Variants in STON1 observed in about 807,000 individuals in gnomAD.
STON1 encodes the protein stonin 1.
A neutral mutation model predicts 60.9 loss-of-function variants in STON1; 79 were observed. The observed-to-expected ratio is 1.30, with a 90% CI of 1.08 to 1.56. The LOEUF is 1.56. STON1 is among the 40% of genes most tolerant of loss of function. STON1 has a pLI of 0.00. For synonymous variants in STON1, 363 were observed against 306.9 expected (o/e 1.18, Z -1.91); for missense variants, 1,166 against 858.9 (o/e 1.36, Z -4.47).
chr2:48,588,915 A>G (rs574024589), intron 2 of STON1, among the ~76,000 whole-genome samples: 1 of 152,252 alleles, frequency 6.6e-6, no homozygotes, highest in East Asian at 1.9e-4. Context: ...GACTTCATTC[A>G]TACTAAGGTG....
intron 1 of STON1, among the ~76,000 whole-genome samples, chr2:48,554,545 C>T (rs1357569280): frequency 6.6e-6 from 1 of 152,030 alleles, no homozygotes; most frequent in Non-Finnish European, 1.5e-5. Flanking sequence ...AAATTGGACT[C>T]AGAGTTGGGA....
chr2:48,582,386 A>G lies in STON1; in HGVS notation c.1753A>G (p.Met585Val), dbSNP rs1673943941. Reference protein sequence around the residue: ...PSQWIKALWTMNLQRQKSLKA... With the variant: ...PSQWIKALWTVNLQRQKSLKA... The stretch of plus-strand genomic sequence containing the variant: ...GCAGTGGATCAAGGCCCTTTGGACC[A>G]TGAACCTCCAGAGGCAGAAGTCTCT... Residue 585 changes from methionine (M) to valine (V), a missense_variant, in exon 2 of 4, where the codon ATG becomes GTG. Physicochemically the swap from Met to Val is conservative, Grantham distance 21 (BLOSUM62 1). Coordinates refer to ENST00000404752, the MANE Select transcript of STON1 (RefSeq NM_006873.4). 1.2e-6 allele frequency: 2 copies of G among 1,614,184 alleles called. No individual in the cohort carries two copies. Among genetic ancestry groups the G allele is most frequent in the East Asian group, 2.2e-5 (1 of 44,876 alleles).
rs367947866 is a variant in STON1 at position 48,580,878 on chromosome 2, C to G, written c.245C>G (p.Ser82Cys). The G allele has an allele frequency of 4.4e-6, 7 of 1,585,472 alleles. No individual in the cohort carries two copies. The highest frequency in any genetic ancestry group is 5.1e-6 in the Non-Finnish European group (6 of 1,168,410). Residue 82 changes from serine to cysteine, a missense_variant, in exon 2 of 4, where the codon TCT (serine) becomes TGT (cysteine). Physicochemically the swap from Ser to Cys is moderately radical, Grantham distance 112. Coordinates refer to ENST00000404752, the MANE Select transcript of STON1 (RefSeq NM_006873.4). ...GGACCTCCAAGTAACTCTCCTCTTT[C>G]TACACCTACCAAAGACTTCCCAGGT... ...SPGPPSNSPL[S>C]TPTKDFPGFP... is the part of the protein sequence containing the mutation.
At chr2:48,540,974 G>A (rs1671626376) in intron 1 of STON1, among the ~76,000 whole-genome samples, 1 of 152,222 alleles carries the variant, frequency 6.6e-6, no homozygotes, top group African/African-American at 2.4e-5. Context: ...TTCCTATACA[G>A]AGGGATATTT....
chr2:48,560,709 C>G (rs1296345015), intron 1 of STON1, among the ~76,000 whole-genome samples: 1 of 152,218 alleles, frequency 6.6e-6, no homozygotes, highest in Non-Finnish European at 1.5e-5. Flanking sequence ...CACAGCTCCA[C>G]AGCTGCAGTG....
intron 1 of STON1, among the ~76,000 whole-genome samples, chr2:48,564,480 T>TTCTTCTTCTTCTTCTTTCTTC (rs1558604783): frequency 3.1e-5 from 1 of 32,480 alleles, no homozygotes. Context: ...CTTCTTCTTC[T>TTCTTCTTCTTCTTCTTTCTTC]TTCTTCTTCT....
chr2:48,583,157 C>T (rs546488344), intron 2 of STON1, among the ~76,000 whole-genome samples: 101 of 152,360 alleles, frequency 6.6e-4, no homozygotes, highest in African/African-American at 2.1e-3. Flanking sequence ...GGCACGATCA[C>T]GGCTCACTGC....
At chr2:48,533,597 G>A (rs1278388493) in intron 1 of STON1, among the ~76,000 whole-genome samples, 1 of 148,292 alleles carries the variant, frequency 6.7e-6, no homozygotes, top group East Asian at 2.0e-4. Context: ...GGCTGAAGCA[G>A]GTTGCAGGGA....
chr2:48,543,682 C>A (rs1169193932), intron 1 of STON1, among the ~76,000 whole-genome samples: 1 of 151,898 alleles, frequency 6.6e-6, no homozygotes, highest in Non-Finnish European at 1.5e-5. Flanking sequence ...TAGGCATACA[C>A]CACCATGCCT....
Position 48,582,447 on chromosome 2 carries a change from G to T in STON1, c.1814G>T (p.Ser605Ile). Reference sequence around the variant, plus strand: ...ATGAACCGCCGAGCATGTCTGGGGAGTTTACAGGAACTTGAATCTGAACCT... The same window carrying T: ...ATGAACCGCCGAGCATGTCTGGGGATTTTACAGGAACTTGAATCTGAACCT... ...AKMNRRACLGSLQELESEPVI... is the reference protein window; with the variant it reads ...AKMNRRACLGILQELESEPVI... The change falls in exon 2 of 4, where the codon AGT becomes ATT. Residue 605 changes from serine to isoleucine, a missense_variant. Transcript: ENST00000404752. The T allele has an allele frequency of 6.2e-7, 1 of 1,614,216 alleles. No individual in the cohort carries two copies. The highest frequency in any genetic ancestry group is 8.5e-7 in the Non-Finnish European group (1 of 1,180,038).
In STON1 at chr2:48,582,315, C is replaced by T. The variant is rs933661677; in HGVS notation, c.1682C>T (p.Ser561Phe). The change falls in exon 2 of 4, where the codon TCC becomes TTC. Residue 561 changes from serine to phenylalanine, a missense_variant. Transcript: ENST00000404752. ...SLAQRSSYAG[S>F]LRSCDNIRIH... ...GCGCAGAGGTCATCCTATGCTGGTT[C>T]CTTAAGGTCCTGTGACAATATAAGG... The T allele has an allele frequency of 1.9e-6, 3 of 1,614,056 alleles. No individual in the cohort carries two copies. The highest frequency in any genetic ancestry group is 1.3e-5 in the African/African-American group (1 of 74,932).
In STON1 at chr2:48,535,973, G is replaced by C. The variant is rs376332144; in HGVS notation, c.-48+5757G>C. Among the ~76,000 whole-genome samples, 52 of 152,266 alleles carry C rather than the reference G, an allele frequency of 3.4e-4. No individual in the cohort carries two copies. In the South Asian group the frequency reaches 0.011, roughly 31 times the overall value. On this transcript the variant is annotated intron_variant, in intron 1 of 3. Coordinates refer to ENST00000404752, the MANE Select transcript of STON1 (RefSeq NM_006873.4). ...CATGGTGGTGTGCCCTGTGGTCCCA[G>C]CTACTTGGGAGGCTGAGATGGGAGG...
intron 1 of STON1, among the ~76,000 whole-genome samples, chr2:48,541,510 C>T (rs796248731): frequency 2.0e-5 from 3 of 146,438 alleles, no homozygotes; most frequent in African/African-American, 7.5e-5. Flanking sequence ...ATGGTGAAAC[C>T]CCATCTCTAC....
chr2:48,588,254 A>G (rs1157299042), intron 2 of STON1, among the ~76,000 whole-genome samples: 1 of 152,192 alleles, frequency 6.6e-6, no homozygotes. Flanking sequence ...CTATTTTTCT[A>G]TATGACTTTT....
At chr2:48,589,293 T>C (rs188310467) in intron 2 of STON1, among the ~76,000 whole-genome samples, 2 of 152,340 alleles carry the variant, frequency 1.3e-5, no homozygotes, top group Admixed American at 1.3e-4. Context: ...CCTAAGATTT[T>C]GTGATTTACA....
chr2:48,567,059 G>T lies in STON1; in HGVS notation c.-47-13528G>T, dbSNP rs116967031. Among the ~76,000 whole-genome samples the T allele has an allele frequency of 7.0e-4, 106 of 152,276 alleles. 1 individual carries two copies. The East Asian group carries it at 0.02, about 28-fold the overall frequency. On this transcript the variant is annotated intron_variant, in intron 1 of 3. Transcript: ENST00000404752. ...CCAAGTTTATGCTGGAAAAATGAAG[G>T]TTAAATGCCGTAGGGGAGGGGCAGT...
intron 2 of STON1, among the ~76,000 whole-genome samples, chr2:48,586,986 G>C (rs1253244757): frequency 6.6e-6 from 1 of 152,136 alleles, no homozygotes; most frequent in Non-Finnish European, 1.5e-5. Flanking sequence ...GTGGATAGGT[G>C]GGCAATGGTG....
chr2:48,579,979 T>C (rs1335006829), intron 1 of STON1, among the ~76,000 whole-genome samples: 1 of 152,242 alleles, frequency 6.6e-6, no homozygotes, highest in Non-Finnish European at 1.5e-5. Context: ...CTATCTCAGC[T>C]CACTGCAACC....
At chr2:48,538,692 G>A (rs967245826) in intron 1 of STON1, among the ~76,000 whole-genome samples, 1 of 150,640 alleles carries the variant, frequency 6.6e-6, no homozygotes, top group Non-Finnish European at 1.5e-5. Context: ...CTACTTCCAG[G>A]GTTCAAACAA....
Sources: allele counts gnomAD v4.1 joint callset (sites outside exome capture counted in the v4.1 genomes callset), GRCh38; gene constraint gnomAD v4.1.1; transcripts MANE v1.5; gene names NCBI Gene and HGNC (gene_info 2026-07-23, HGNC 2026-07-21).